Variants in PCSK2 observed in about 807,000 individuals in gnomAD.
PCSK2 encodes the protein neuroendocrine convertase 2.
A neutral mutation model predicts 69.7 loss-of-function variants in PCSK2; 14 were observed. The ratio of observed to expected loss-of-function variants is 0.20; its 90% CI spans 0.13 to 0.31. The LOEUF (loss-of-function observed/expected upper bound fraction) is 0.31, where lower values mean the gene tolerates loss of function less well. PCSK2 is among the 10% of genes least tolerant of loss of function. PCSK2 has a pLI of 1.00. For synonymous variants in PCSK2, 307 were observed against 320.7 expected (o/e 0.96, Z 0.46); for missense variants, 544 against 842.5 (o/e 0.65, Z 4.39).
At chr20:17,358,252 G>C (rs2030274796) in intron 2 of PCSK2, 75 bp from the exon 3 acceptor site, 1 of 928,508 alleles carries the variant, frequency 1.1e-6, no homozygotes, top group Admixed American at 1.8e-5. Flanking sequence ...ATGAAATTTG[G>C]ATTCATGGAA....
chr20:17,315,094 T>TCTCTGCGGATTC (rs1459799889), intron 2 of PCSK2, among the ~76,000 whole-genome samples: 33 of 152,128 alleles, frequency 2.2e-4, no homozygotes, highest in Admixed American at 2.2e-3. Flanking sequence ...CCTGCGGCTT[T>TCTCTGCGGATTC]CTCTGCGGAT....
At chr20:17,458,260 A>T (rs1051444765) in intron 10 of PCSK2, among the ~76,000 whole-genome samples, 1 of 152,110 alleles carries the variant, frequency 6.6e-6, no homozygotes, top group African/African-American at 2.4e-5. Context: ...TTTATTAAGG[A>T]AGGGATCCCA....
chr20:17,299,519 A>G (rs1203132609), intron 2 of PCSK2, among the ~76,000 whole-genome samples: 1 of 152,074 alleles, frequency 6.6e-6, no homozygotes, highest in African/African-American at 2.4e-5. Context: ...ATTCTGGAGC[A>G]ATTTAATCCA....
At chr20:17,468,409 G>C (rs2033143018) in intron 11 of PCSK2, among the ~76,000 whole-genome samples, 1 of 136,606 alleles carries the variant, frequency 7.3e-6, no homozygotes, top group African/African-American at 2.8e-5. Context: ...CCAGCGTCCT[G>C]TTGTAGACAG....
intron 7 of PCSK2, among the ~76,000 whole-genome samples, chr20:17,435,561 G>C (rs1002917937): frequency 2.6e-5 from 4 of 152,220 alleles, no homozygotes; most frequent in African/African-American, 9.6e-5. Context: ...CGCCATGTTA[G>C]AGAGTGAGGC....
intron 4 of PCSK2, among the ~76,000 whole-genome samples, chr20:17,361,807 C>G (rs1390259602): frequency 6.6e-6 from 1 of 152,186 alleles, no homozygotes; most frequent in Admixed American, 6.5e-5. Context: ...CAAGGGCTCT[C>G]ACAAGAAGAA....
At chr20:17,250,588 T>C (rs992115826) in intron 1 of PCSK2, among the ~76,000 whole-genome samples, 24 of 152,214 alleles carry the variant, frequency 1.6e-4, no homozygotes, top group African/African-American at 5.5e-4. Flanking sequence ...ATTACTATTA[T>C]TATGACATTT....
intron 2 of PCSK2, among the ~76,000 whole-genome samples, chr20:17,325,783 CA>C (rs1307707696): frequency 1.3e-5 from 2 of 152,130 alleles, no homozygotes; most frequent in Non-Finnish European, 2.9e-5. Context: ...TGGGCTAGCC[CA>C]GGCATGTTAT....
In PCSK2 at chr20:17,348,031, G is replaced by GAAGAAAGAAAGAAAGAAAGGA. The variant is rs1369533461; in HGVS notation, c.283-10276_283-10256dup. ...AAGAAAGAGAGAAAAGAGAAAGAAA[G>GAAGAAAGAAAGAAAGAAAGGA]AAGAAAGAAAGAAAGAAAGGAAAGA... is the stretch of plus-strand genomic sequence containing the variant. On this transcript the variant is annotated intron_variant, in intron 2 of 11. Transcript: ENST00000262545. 1.6e-3 allele frequency among the ~76,000 whole-genome samples: 112 copies of GAAGAAAGAAAGAAAGAAAGGA among 71,912 alleles called. 3 individuals carry two copies. Among genetic ancestry groups the GAAGAAAGAAAGAAAGAAAGGA allele is most frequent in the African/African-American group, 6.2e-3 (110 of 17,648 alleles). The allele number at this position is 71,912 out of a possible 152,430, so 47.2% of individuals were successfully genotyped here.
intron 5 of PCSK2, among the ~76,000 whole-genome samples, chr20:17,405,267 C>T (rs1202948842): frequency 2.6e-5 from 4 of 152,210 alleles, no homozygotes; most frequent in African/African-American, 9.7e-5. Context: ...CTTCCTTCCC[C>T]TACATCAAGC....
chr20:17,464,704 A>G (rs2033069958), intron 10 of PCSK2: 1 of 152,308 alleles, frequency 6.6e-6, no homozygotes, highest in South Asian at 2.1e-4. Context: ...TATTTGTGAG[A>G]TTTTTCCATG....
At chr20:17,263,033 G>A (rs1987452512) in intron 2 of PCSK2, 1 of 340,030 alleles carries the variant, frequency 2.9e-6, no homozygotes, top group Non-Finnish European at 4.2e-6. Context: ...AAAGCCCAGG[G>A]AGGGTGGTCT....
intron 11 of PCSK2, among the ~76,000 whole-genome samples, chr20:17,470,897 T>C (rs1243388865): frequency 1.1e-5 from 1 of 94,528 alleles, no homozygotes; most frequent in Non-Finnish European, 2.4e-5. Context: ...ACTGGCACGA[T>C]ATCTACACTT....
intron 6 of PCSK2, among the ~76,000 whole-genome samples, chr20:17,419,956 C>A (rs559714812): frequency 1.8e-4 from 28 of 152,242 alleles, no homozygotes; most frequent in African/African-American, 6.5e-4. Flanking sequence ...TTCTTGGCTG[C>A]AGAAAGTTTA....
At chr20:17,372,719 G>C (rs2030807324) in intron 5 of PCSK2, among the ~76,000 whole-genome samples, 1 of 152,082 alleles carries the variant, frequency 6.6e-6, no homozygotes. Context: ...AAAATGTTCT[G>C]CCTCTGGTAT....
At chr20:17,320,276 G>A (rs1989823744) in intron 2 of PCSK2, among the ~76,000 whole-genome samples, 1 of 152,156 alleles carries the variant, frequency 6.6e-6, no homozygotes, top group Non-Finnish European at 1.5e-5. Context: ...GAACTCATAG[G>A]ACATACTCTG....
chr20:17,314,572 G>A (rs1159084313), intron 2 of PCSK2, among the ~76,000 whole-genome samples: 1 of 152,218 alleles, frequency 6.6e-6, no homozygotes, highest in Non-Finnish European at 1.5e-5. Flanking sequence ...GGCCTAAAGT[G>A]AGGCGTGAGT....
Position 17,465,462 on chromosome 20 carries a change from C to G in PCSK2, c.1339C>G (p.Leu447Val). 6.2e-7 allele frequency: 1 copy of G among 1,614,126 alleles called. No homozygotes were observed. Among genetic ancestry groups the G allele is most frequent in the Non-Finnish European group, 8.5e-7 (1 of 1,180,002 alleles). The change falls in exon 11 of 12, where the codon CTT becomes GTT. Residue 447 changes from leucine to valine, a missense_variant. Leu to Val is a conservative substitution (Grantham distance 32, BLOSUM62 1). This residue lies in a region of PCSK2 where 200 missense variants were observed against 287.8 expected (regional missense o/e 0.69). Transcript: ENST00000262545. The part of the protein sequence containing the change: ...EFNHLFGYGV[L>V]DAGAMVKMAK... ...TAATCACCTCTTTGGCTACGGGGTC[C>G]TTGATGCAGGTGCCATGGTGAAAAT...
intron 4 of PCSK2, among the ~76,000 whole-genome samples, chr20:17,363,495 C>G (rs966850537): frequency 8.5e-5 from 13 of 152,192 alleles, no homozygotes; most frequent in Admixed American, 3.9e-4. Flanking sequence ...CGCCCTTTTA[C>G]TGTAATGGAA....
Sources: gnomAD v4.1 joint callset for allele counts (sites outside exome capture counted in the v4.1 genomes callset) on GRCh38, gnomAD v4.1.1 for gene constraint, gnomAD v4.1.1 regional missense constraint, MANE v1.5 for transcripts, NCBI Gene and HGNC (gene_info 2026-07-23, HGNC 2026-07-21) for gene names.